The following GLDC variants were observed in gnomAD, a reference collection of about 807,000 sequenced individuals.
The protein encoded by GLDC is glycine decarboxylase, also known as glycine dehydrogenase (decarboxylating), mitochondrial.
A neutral mutation model predicts 121.3 loss-of-function variants in GLDC; 104 were observed. The ratio of observed to expected loss-of-function variants is 0.86; its 90% CI spans 0.73 to 1.01. The LOEUF is 1.01. Ranked by LOEUF, GLDC falls within the 50% of genes least tolerant of loss-of-function variation. The pLI is 0.00. For missense variants in GLDC, 1,429 were observed against 1,306.6 expected (o/e 1.09, Z -1.44); for synonymous variants, 546 against 480.6 (o/e 1.14, Z -1.78).
At chr9:6,565,328 C>G in intron 16 of GLDC, 26 bp downstream of exon 16, 1 of 1,560,472 alleles carries the variant, frequency 6.4e-7, no homozygotes, top group East Asian at 2.2e-5. Context: ...CCATGGTGAG[C>G]AAGCGCCACC....
At chr9:6,611,167 T>A (rs1004658344) in intron 3 of GLDC, among the ~76,000 whole-genome samples, 1 of 152,208 alleles carries the variant, frequency 6.6e-6, no homozygotes, top group African/African-American at 2.4e-5. Flanking sequence ...AATTCCAGGA[T>A]GGAAATGTTT....
intron 2 of GLDC, among the ~76,000 whole-genome samples, chr9:6,628,075 G>A (rs931883695): frequency 1.3e-5 from 2 of 152,170 alleles, no homozygotes; most frequent in African/African-American, 2.4e-5. Flanking sequence ...ACAGAATCCA[G>A]TGTCTAAGTC....
intron 15 of GLDC, 155 bp from the exon 16 acceptor site, chr9:6,565,584 G>A: frequency 1.4e-6 from 1 of 714,798 alleles, no homozygotes; most frequent in Non-Finnish European, 2.6e-6. Flanking sequence ...CTCTGCTGGA[G>A]TCAAAAGGTC....
At chr9:6,567,109 C>T (rs1051655612) in intron 15 of GLDC, 1 of 151,422 alleles carries the variant, frequency 6.6e-6, no homozygotes, top group African/African-American at 2.4e-5. Context: ...ATTGATAGAA[C>T]TGGGGGGTTT....
intron 3 of GLDC, among the ~76,000 whole-genome samples, chr9:6,617,378 G>A (rs1818986396): frequency 6.6e-6 from 1 of 152,170 alleles, no homozygotes; most frequent in South Asian, 2.1e-4. Context: ...GCAATATGGT[G>A]AATATTCTTT....
intron 16 of GLDC, among the ~76,000 whole-genome samples, chr9:6,563,972 G>A (rs760251859): frequency 1.8e-4 from 27 of 152,048 alleles, no homozygotes; most frequent in Admixed American, 1.6e-3. Context: ...AGGGCCAGGC[G>A]CAGTGGCTCA....
intron 17 of GLDC, 130 bp downstream of exon 17, chr9:6,558,429 G>A: frequency 1.9e-6 from 2 of 1,058,854 alleles, no homozygotes; most frequent in Non-Finnish European, 2.9e-6. Flanking sequence ...AGTAGACTCT[G>A]GTCAAAGGAA....
chr9:6,540,833 T>C (rs1054626213), intron 21 of GLDC: 1 of 152,384 alleles, frequency 6.6e-6, no homozygotes, highest in African/African-American at 2.4e-5. Context: ...TACAGATCTT[T>C]ATTTGAGCCT....
rs528345592 is a variant in GLDC at position 6,582,477 on chromosome 9, C to T, written c.1850+4664G>A. ...TGGAGGCTGCAGTGAGCCGAGATGG[C>T]GCCACTGCGCTCCAGGCTGGACAAC... is the stretch of plus-strand genomic sequence containing the variant. On this transcript the variant is annotated intron_variant, in intron 15 of 24. Transcript: ENST00000321612. Among the ~76,000 whole-genome samples the T allele has an allele frequency of 1.5e-3, 226 of 151,666 alleles. 1 individual carries two copies. Among genetic ancestry groups the T allele is most frequent in the Middle Eastern group, 0.014 (4 of 292 alleles).
intron 2 of GLDC, among the ~76,000 whole-genome samples, chr9:6,634,011 T>C (rs1488514497): frequency 9.2e-5 from 14 of 151,510 alleles, no homozygotes; most frequent in Admixed American, 9.2e-4. Flanking sequence ...TTTGTATTTT[T>C]AGTAGAGACG....
intron 15 of GLDC, among the ~76,000 whole-genome samples, chr9:6,578,805 T>C (rs1415048007): frequency 6.6e-6 from 1 of 152,202 alleles, no homozygotes; most frequent in Non-Finnish European, 1.5e-5. Flanking sequence ...AGTACTGCAA[T>C]TACAAGCATG....
chr9:6,622,499 C>A (rs976902225), intron 2 of GLDC, among the ~76,000 whole-genome samples: 1 of 152,114 alleles, frequency 6.6e-6, no homozygotes, highest in Non-Finnish European at 1.5e-5. Context: ...CAGCCTCGGC[C>A]TCCCGAGGTG....
intron 10 of GLDC, 118 bp from the exon 11 acceptor site, chr9:6,592,341 C>G (rs1403978811): frequency 1.4e-6 from 1 of 738,308 alleles, no homozygotes. Flanking sequence ...TCCAAAATAT[C>G]AGGGTACAAT....
chr9:6,575,065 G>T (rs2129791261), intron 15 of GLDC, among the ~76,000 whole-genome samples: 1 of 152,158 alleles, frequency 6.6e-6, no homozygotes, highest in East Asian at 1.9e-4. Context: ...AGCCAGGTGT[G>T]GTGGCGGGCA....
At chr9:6,627,017 C>T (rs34298851) in intron 2 of GLDC, among the ~76,000 whole-genome samples, 34,894 of 151,984 alleles carry the variant, frequency 0.23, 3,988 homozygotes, top group South Asian at 0.3. Context: ...ACTAGTGGGC[C>T]GGGCGTGGTG....
rs760055824 is a variant in GLDC, at chr9:6,605,182, C to G, written c.810G>C (p.Glu270Asp). Residue 270 changes from glutamate (E) to aspartate (D), a missense_variant, in exon 6 of 25, where the codon GAG becomes GAC. Coordinates refer to ENST00000321612, the MANE Select transcript of GLDC (RefSeq NM_000170.3). ...SGVLFQYPDT[E>D]GKVEDFTELV... ...GTTCCGTAAAGTCTTCCACCTTCCC[C>G]TCCGTGTCTGGGTACTGGAACAACA... 1.2e-6 allele frequency: 2 copies of G among 1,613,624 alleles called. No individual in the cohort carries two copies. Among genetic ancestry groups the G allele is most frequent in the African/African-American group, 2.7e-5 (2 of 74,894 alleles).
chr9:6,594,959 C>G, intron 9 of GLDC, 55 bp downstream of exon 9: 1 of 1,084,366 alleles, frequency 9.2e-7, no homozygotes. Context: ...TTCAATTTTA[C>G]TCAAATTTAT....
intron 11 of GLDC, 21 bp downstream of exon 11, chr9:6,592,122 G>C (rs757702520): frequency 2.1e-6 from 3 of 1,429,986 alleles, no homozygotes; most frequent in South Asian, 1.1e-5. Flanking sequence ...GATGAGGAAC[G>C]CATGTTTTTA....
At chr9:6,620,451 C>A in intron 2 of GLDC, 132 bp from the exon 3 acceptor site, 3 of 774,220 alleles carry the variant, frequency 3.9e-6, no homozygotes, top group South Asian at 2.9e-5. Context: ...AGTCATCCAT[C>A]CAACCAACAC....
Sources: allele counts gnomAD v4.1 joint callset (sites outside exome capture counted in the v4.1 genomes callset), GRCh38; gene constraint gnomAD v4.1.1; transcripts MANE v1.5; gene names NCBI Gene and HGNC (gene_info 2026-07-23, HGNC 2026-07-21).